The following UFL1 variants were observed in gnomAD, a reference collection of about 807,000 sequenced individuals.
UFL1 encodes the protein E3 UFM1-protein ligase 1.
In UFL1, 78 loss-of-function variants were observed where a neutral mutation model predicts 99.3. The ratio of observed to expected loss-of-function variants is 0.79; its 90% CI spans 0.65 to 0.95. The LOEUF is 0.95. Ranked by LOEUF, UFL1 falls within the 40% of genes least tolerant of loss-of-function variation. The pLI is 0.00. For synonymous variants in UFL1, 335 were observed against 322.2 expected (o/e 1.04, Z -0.42); for missense variants, 936 against 937.0 (o/e 1.00, Z 0.01).
rs778090067 is a variant in UFL1 at position 96,521,904 on chromosome 6, T to C, written c.31T>C (p.Leu11=). MADAWEEIRR[L]AADFQRAQFA... ...GGACGCCTGGGAAGAGATTAGGCGG[T>C]TGGCGGCCGACTTCCAGCGGGCGCA... Residue 11 remains leucine (L), a synonymous_variant, in exon 1 of 19, where the codon TTG becomes CTG. Transcript: ENST00000369278. 3.7e-6 allele frequency: 6 copies of C among 1,612,482 alleles called. No individual in the cohort carries two copies. In the African/African-American group the frequency reaches 5.3e-5, roughly 14 times the overall value.
rs1260578501 is a variant in UFL1 at position 96,528,654 on chromosome 6, T to G, written c.596+22T>G. ...CCCGGTAAGTATATTTTAAAGTATATATATTTGCACATTTCTTTGATCATG... is the reference window on the plus strand; with the variant it reads ...CCCGGTAAGTATATTTTAAAGTATAGATATTTGCACATTTCTTTGATCATG... On this transcript the variant is annotated intron_variant, in intron 6 of 18. Transcript: ENST00000369278. 1.0e-5 allele frequency: 16 copies of G among 1,581,854 alleles called. No individual in the cohort carries two copies. In the Admixed American group the frequency reaches 2.9e-4, roughly 29 times the overall value.
At chr6:96,525,518 T>G in intron 4 of UFL1, 124 bp downstream of exon 4, 1 of 745,972 alleles carries the variant, frequency 1.3e-6, no homozygotes, top group Non-Finnish European at 2.3e-6. Context: ...ACAGTGTTGA[T>G]TTTCATGATA....
chr6:96,549,481 G>T lies in UFL1; in HGVS notation c.1590G>T (p.Gly530=), dbSNP rs1463788994. 6.9e-6 allele frequency: 11 copies of T among 1,592,482 alleles called. No homozygotes were observed. Among genetic ancestry groups the T allele is most frequent in the African/African-American group, 1.4e-5 (1 of 73,098 alleles). The change falls in exon 14 of 19, where the codon GGG becomes GGT. Residue 530 remains glycine (G), a synonymous_variant. Transcript: ENST00000369278. ...VFMSSTTSAS[G]TGRKRTIKDL... ...TGTCTTCAACAACTTCTGCTTCTGG[G>T]ACGGGCAGAAAACGCACAATCAAGG...
chr6:96,545,818 T>C (rs1467960150), intron 12 of UFL1, among the ~76,000 whole-genome samples: 5 of 151,080 alleles, frequency 3.3e-5, no homozygotes, highest in African/African-American at 1.2e-4. Context: ...ATAAGAAATT[T>C]TACCACTTCA....
intron 13 of UFL1, 127 bp from the exon 14 acceptor site, chr6:96,549,285 T>G (rs992517580): frequency 3.7e-5 from 26 of 704,972 alleles, no homozygotes; most frequent in Non-Finnish European, 4.4e-5. Flanking sequence ...GTCTCCAAAT[T>G]AATTTTATTT....
At chr6:96,533,998 A>G (rs1157832904) in intron 6 of UFL1, among the ~76,000 whole-genome samples, 1 of 151,824 alleles carries the variant, frequency 6.6e-6, no homozygotes, top group African/African-American at 2.4e-5. Context: ...CCTAAAGACC[A>G]AGGCAAATAG....
In UFL1 at chr6:96,540,648, A is replaced by G. The variant is rs775046809; in HGVS notation, c.1272A>G (p.Lys424=). 1 of 1,595,050 alleles carries G rather than the reference A, an allele frequency of 6.3e-7. No homozygotes were observed. Among genetic ancestry groups the G allele is most frequent in the South Asian group, 1.2e-5 (1 of 86,636 alleles). The change falls in exon 11 of 19, where the codon AAA becomes AAG. Residue 424 remains lysine (K), a synonymous_variant. Transcript: ENST00000369278. ...ATAAAAAAGATGAGCGAAGAAGGAAAGCAACAGGTAATAAATTGTTAACAA... is the reference window on the plus strand; with the variant it reads ...ATAAAAAAGATGAGCGAAGAAGGAAGGCAACAGGTAATAAATTGTTAACAA... ...KKDKKDERRR[K]ATEGSGSMRG...
Position 96,553,800 on chromosome 6 carries a change from T to G in UFL1, c.*297T>G, listed in dbSNP as rs1158511477. 1 of 250,500 alleles carries G rather than the reference T, an allele frequency of 4.0e-6. No homozygotes were observed. The highest frequency in any genetic ancestry group is 7.7e-6 in the Non-Finnish European group (1 of 130,546). 15.5% of individuals were successfully genotyped at this position (250,500 alleles called of 1,614,324 possible). ...AAAATTACATATTTCAGGTTTGTTC[T>G]CTTTCCAAATGTTGAATGAAAAACA... On this transcript the variant is annotated 3_prime_UTR_variant, in exon 19 of 19. Coordinates refer to ENST00000369278, the MANE Select transcript of UFL1 (RefSeq NM_015323.5).
chr6:96,551,788 C>T, intron 16 of UFL1, 50 bp from the exon 17 acceptor site: 1 of 1,225,052 alleles, frequency 8.2e-7, no homozygotes, highest in Non-Finnish European at 1.2e-6. Flanking sequence ...GCTATACTTC[C>T]TTATGCAGTT....
rs780203502 is a variant in UFL1 at position 96,552,557 on chromosome 6, C to A, written c.2061C>A (p.His687Gln). The A allele has an allele frequency of 1.2e-5, 19 of 1,613,096 alleles. No homozygotes were observed. The highest frequency in any genetic ancestry group is 1.7e-5 in the Admixed American group (1 of 59,898). The change falls in exon 18 of 19, where the codon CAC (histidine) becomes CAA (glutamine). Residue 687 changes from histidine (H) to glutamine (Q), a missense_variant. By Grantham distance (24) the His-to-Gln change is conservative. Transcript: ENST00000369278. ...CAGAAGACCCTGCTCTTATTCTGCA[C>A]CTCACATCAGTCCTGTTGTTTCAGT... ...KVTEDPALILHLTSVLLFQFS... is the reference protein window; with the variant it reads ...KVTEDPALILQLTSVLLFQFS...
At chr6:96,529,409 A>T (rs1278872870) in intron 6 of UFL1, among the ~76,000 whole-genome samples, 1 of 152,288 alleles carries the variant, frequency 6.6e-6, no homozygotes, top group East Asian at 1.9e-4. Flanking sequence ...ATCTACATTC[A>T]GTGTCTCAGT....
intron 8 of UFL1, among the ~76,000 whole-genome samples, chr6:96,536,700 G>C (rs1317442966): frequency 6.6e-6 from 1 of 151,534 alleles, no homozygotes; most frequent in African/African-American, 2.4e-5. Flanking sequence ...AGTAATCGCT[G>C]CCAATCTTTC....
chr6:96,551,684 TGTTA>T lies in UFL1; in HGVS notation c.1900-150_1900-147del, dbSNP rs145603830. Among the ~76,000 whole-genome samples the T allele has an allele frequency of 7.2e-3, 1,090 of 152,088 alleles. 11 individuals are homozygous for T. Among genetic ancestry groups the T allele is most frequent in the African/African-American group, 0.022 (923 of 41,514 alleles). ...GACCAAGCTGCTGGCATTTTACCAT[TGTTA>T]GTTCTATATCACAATTTCTAACTTA... On this transcript the variant is annotated intron_variant, in intron 16 of 18. Transcript: ENST00000369278.
intron 15 of UFL1, among the ~76,000 whole-genome samples, chr6:96,551,217 A>G (rs1770074891): frequency 7.5e-6 from 1 of 133,898 alleles, no homozygotes; most frequent in Non-Finnish European, 1.7e-5. Context: ...TTTCTCTTAC[A>G]TTGATGGAGC....
intron 1 of UFL1, among the ~76,000 whole-genome samples, chr6:96,522,457 G>T (rs909971576): frequency 1.2e-4 from 18 of 152,122 alleles, no homozygotes; most frequent in African/African-American, 3.9e-4. Flanking sequence ...GTTATTCAGG[G>T]CACTGACATT....
rs1769916595 is a variant in UFL1 at position 96,540,545 on chromosome 6, A to G, written c.1169A>G (p.Asn390Ser). 6.2e-7 allele frequency: 1 copy of G among 1,601,306 alleles called. No homozygotes were observed. Residue 390 changes from asparagine (N) to serine (S), a missense_variant, in exon 11 of 19, where the codon AAT becomes AGT. Coordinates refer to ENST00000369278, the MANE Select transcript of UFL1 (RefSeq NM_015323.5). ...MHQKAEKEMK[N>S]NPVHLITEED... Reference sequence around the variant, plus strand: ...CATGTTTTATTTTAGGAAATGAAAAATAATCCTGTGCATTTAATCACTGAA... The same window carrying G: ...CATGTTTTATTTTAGGAAATGAAAAGTAATCCTGTGCATTTAATCACTGAA...
intron 4 of UFL1, among the ~76,000 whole-genome samples, chr6:96,526,008 C>G (rs569376039): frequency 6.6e-6 from 1 of 151,882 alleles, no homozygotes; most frequent in Admixed American, 6.6e-5. Context: ...ATTGCTTGAT[C>G]CCAGGAGGTC....
chr6:96,549,738 T>G lies in UFL1; in HGVS notation c.1757T>G (p.Phe586Cys). 1 of 1,612,414 alleles carries G rather than the reference T, an allele frequency of 6.2e-7. No homozygotes were observed. Among genetic ancestry groups the G allele is most frequent in the Non-Finnish European group, 8.5e-7 (1 of 1,178,848 alleles). The change falls in exon 15 of 19, where the codon TTC (phenylalanine) becomes TGC (cysteine). Residue 586 changes from phenylalanine to cysteine, a missense_variant. By Grantham distance (205) the Phe-to-Cys change is radical (BLOSUM62 -2). Coordinates refer to ENST00000369278, the MANE Select transcript of UFL1 (RefSeq NM_015323.5). Reference protein sequence around the residue: ...SVCTDITNLIFNFLASDLMMA... With the variant: ...SVCTDITNLICNFLASDLMMA... The stretch of plus-strand genomic sequence containing the variant: ...TGTACTGATATCACTAACCTCATTT[T>G]CAACTTCTTAGCTTCGGATTTAATG...
intron 7 of UFL1, among the ~76,000 whole-genome samples, chr6:96,534,624 A>C (rs2127950540): frequency 6.6e-6 from 1 of 152,070 alleles, no homozygotes; most frequent in East Asian, 1.9e-4. Context: ...TGTAAGATTA[A>C]GAATAGTTTT....
Sources: allele counts gnomAD v4.1 joint callset (sites outside exome capture counted in the v4.1 genomes callset), GRCh38; gene constraint gnomAD v4.1.1; transcripts MANE v1.5; gene names NCBI Gene and HGNC (gene_info 2026-07-23, HGNC 2026-07-21).